Variants in PCNT observed in about 807,000 individuals in gnomAD.
PCNT encodes the protein kendrin.
In PCNT, 319 loss-of-function variants were observed where a neutral mutation model predicts 380.4. The observed-to-expected ratio is 0.84, with a 90% CI of 0.77 to 0.92. The LOEUF is 0.92. Among genes scored for constraint, PCNT ranks in the 40% least tolerant of loss-of-function variants. The pLI is 0.00. For missense variants in PCNT, 4,400 were observed against 4,255.3 expected (o/e 1.03, Z -0.95); for synonymous variants, 1,845 against 1,735.2 (o/e 1.06, Z -1.57).
chr21:46,375,513 T>C (rs748998060), intron 15 of PCNT, among the ~76,000 whole-genome samples: 15 of 152,240 alleles, frequency 9.9e-5, no homozygotes, highest in Non-Finnish European at 1.6e-4. Flanking sequence ...GATACTGACC[T>C]CACAGCTTAG....
chr21:46,326,294 C>T, intron 1 of PCNT, 83 bp from the exon 2 acceptor site: 1 of 1,345,202 alleles, frequency 7.4e-7, no homozygotes, highest in Middle Eastern at 1.8e-4. Context: ...CCTCATGGTC[C>T]CCACCAGTCT....
chr21:46,433,684 A>G (rs190778471), intron 38 of PCNT, among the ~76,000 whole-genome samples: 8 of 152,284 alleles, frequency 5.3e-5, no homozygotes, highest in African/African-American at 1.9e-4. Context: ...TAGTAACATG[A>G]GTGCTTAGAA....
At chr21:46,428,302 C>T (rs1171552788) in intron 34 of PCNT, 93 bp from the exon 35 acceptor site, 51 of 1,144,744 alleles carry the variant, frequency 4.5e-5, no homozygotes, top group South Asian at 3.8e-4. Context: ...AGGCTTGTCC[C>T]GGCGGAGCTG....
intron 29 of PCNT, among the ~76,000 whole-genome samples, chr21:46,414,990 C>T (rs2086966469): frequency 6.6e-6 from 1 of 152,226 alleles, no homozygotes; most frequent in African/African-American, 2.4e-5. Context: ...AAGTGCTGGG[C>T]AGGTGTTTTA....
At chr21:46,338,305 G>A (rs988807222) in intron 3 of PCNT, among the ~76,000 whole-genome samples, 1 of 152,144 alleles carries the variant, frequency 6.6e-6, no homozygotes, top group East Asian at 1.9e-4. Context: ...CTAACCAGCC[G>A]CTCTCTCCTT....
At chr21:46,413,990 CTCTCTT>C (rs2086907956) in intron 29 of PCNT, among the ~76,000 whole-genome samples, 3 of 123,874 alleles carry the variant, frequency 2.4e-5, no homozygotes, top group African/African-American at 1.1e-4. Context: ...TATTTTTTTT[CTCTCTT>C]TTTTTTTTTT....
rs948658978 is a variant in PCNT, at chr21:46,355,645, G to A, written c.1936+19G>A. 6.2e-6 allele frequency: 10 copies of A among 1,612,420 alleles called. No individual in the cohort carries two copies. Among genetic ancestry groups the A allele is most frequent in the Admixed American group, 5.0e-5 (3 of 59,898 alleles). ...AGCCAAGGTGGGCCCCTCCCGCCTC[G>A]CCATGGTGTCGGCAGGTCCCGGGTC... is the stretch of plus-strand genomic sequence containing the variant. On this transcript the variant is annotated intron_variant, in intron 12 of 46. Coordinates refer to ENST00000359568, the MANE Select transcript of PCNT (RefSeq NM_006031.6).
intron 14 of PCNT, among the ~76,000 whole-genome samples, chr21:46,364,654 G>T (rs902107263): frequency 6.6e-6 from 1 of 152,228 alleles, no homozygotes; most frequent in East Asian, 1.9e-4. Context: ...GGTTTAGAAA[G>T]TGATTGGGTT....
At chr21:46,394,495 T>C (rs2086142785) in intron 21 of PCNT, 1 of 984,640 alleles carries the variant, frequency 1.0e-6, no homozygotes, top group Admixed American at 6.1e-5. Context: ...CGCAAACTCT[T>C]GTTCATAGGC....
In PCNT at chr21:46,401,724, G is replaced by A. The variant is rs376215188; in HGVS notation, c.4962+3G>A. On this transcript the variant is annotated splice_donor_region_variant and intron_variant, in intron 26 of 46. Transcript: ENST00000359568. ...CACTCCTGCGGCGCGAGAGCGAGGTGAGTGCAGAGTGGGGCCATGGGACTG... is the reference window on the plus strand; with the variant it reads ...CACTCCTGCGGCGCGAGAGCGAGGTAAGTGCAGAGTGGGGCCATGGGACTG... The A allele has an allele frequency of 5.9e-5, 96 of 1,613,900 alleles. 1 individual carries two copies. The highest frequency in any genetic ancestry group is 7.7e-5 in the Non-Finnish European group (91 of 1,179,988).
chr21:46,328,248 TGGTG>T (rs2083449103), intron 2 of PCNT, among the ~76,000 whole-genome samples: 1 of 113,628 alleles, frequency 8.8e-6, no homozygotes, highest in African/African-American at 3.5e-5. Flanking sequence ...GTTGTTGGGT[TGGTG>T]TGTTTTTTTT....
At chr21:46,383,097 C>T (rs2085645164) in intron 16 of PCNT, among the ~76,000 whole-genome samples, 1 of 147,584 alleles carries the variant, frequency 6.8e-6, no homozygotes, top group Non-Finnish European at 1.5e-5. Context: ...GGCGGAAGCG[C>T]ATTCACAGTG....
chr21:46,427,480 T>C (rs542239908), intron 33 of PCNT, 142 bp from the exon 34 acceptor site: 1 of 865,052 alleles, frequency 1.2e-6, no homozygotes, highest in East Asian at 2.5e-5. Flanking sequence ...CTCTGGTGTC[T>C]CTTCCTCTTC....
intron 2 of PCNT, among the ~76,000 whole-genome samples, chr21:46,333,089 G>C (rs139489147): frequency 0.012 from 1,786 of 152,262 alleles, 14 homozygotes; most frequent in South Asian, 0.022. Context: ...CGCCAGCCTG[G>C]GTGACAGAGC....
At position 46,428,570 on chromosome 21, in the gene PCNT, A is replaced by G; in HGVS notation, c.7670A>G (p.Glu2557Gly). Residue 2557 changes from glutamate to glycine, a missense_variant, in exon 35 of 47, where the codon GAG becomes GGG. Glu to Gly is a moderately conservative substitution (Grantham distance 98). Transcript: ENST00000359568. ...GCAGAGGCGCGCGGGAGCCAGCAGG[A>G]GCACCAGCTGCGCAGGCAGGGTGGG... ...TSAEARGSQQ[E>G]HQLRRQVELL... 6.2e-7 allele frequency: 1 copy of G among 1,602,888 alleles called. No homozygotes were observed. Among genetic ancestry groups the G allele is most frequent in the Non-Finnish European group, 8.5e-7 (1 of 1,178,884 alleles).
Position 46,445,662 on chromosome 21 carries a change from GTTGTT to G in PCNT, c.*342_*346del, listed in dbSNP as rs1369309456. The G allele has an allele frequency of 6.4e-6, 2 of 314,128 alleles. No individual in the cohort carries two copies. Among genetic ancestry groups the G allele is most frequent in the Admixed American group, 4.6e-5 (1 of 21,930 alleles). The allele number at this position is 314,128 out of a possible 1,614,324, so 19.5% of individuals were successfully genotyped here. A position where few individuals can be genotyped will look rare whatever the true frequency, so the allele number is the denominator to read the frequency against. On this transcript the variant is annotated 3_prime_UTR_variant, in exon 47 of 47. Transcript: ENST00000359568. ...GAGGATACACAGAGAATGGCTTCCT[GTTGTT>G]TTGTTTATTTTCTTAACGTGTACAG... is the stretch of plus-strand genomic sequence containing the variant.
At chr21:46,340,277 C>T (rs548318359) in intron 3 of PCNT, among the ~76,000 whole-genome samples, 80 of 152,282 alleles carry the variant, frequency 5.3e-4, no homozygotes, top group African/African-American at 1.9e-3. Flanking sequence ...CCACTGGGCC[C>T]CTCCCATGAC....
intron 2 of PCNT, among the ~76,000 whole-genome samples, chr21:46,329,789 G>C (rs2083499152): frequency 6.6e-6 from 1 of 152,206 alleles, no homozygotes; most frequent in African/African-American, 2.4e-5. Flanking sequence ...TAACTTAACT[G>C]TTTAAAGCAG....
intron 21 of PCNT, among the ~76,000 whole-genome samples, chr21:46,396,347 C>G (rs2086209668): frequency 6.6e-6 from 1 of 152,198 alleles, no homozygotes; most frequent in South Asian, 2.1e-4. Flanking sequence ...GTACCCATCT[C>G]TGCTTCTAAG....
Sources: gnomAD v4.1 joint callset for allele counts (sites outside exome capture counted in the v4.1 genomes callset) on GRCh38, gnomAD v4.1.1 for gene constraint, MANE v1.5 for transcripts, NCBI Gene and HGNC (gene_info 2026-07-23, HGNC 2026-07-21) for gene names.